Variants in MDFIC observed in about 807,000 individuals in gnomAD.
MDFIC encodes the protein myoD family inhibitor domain-containing protein.
In MDFIC, 17 loss-of-function variants were observed where a neutral mutation model predicts 23.2. The ratio of observed to expected loss-of-function variants is 0.73; its 90% CI spans 0.50 to 1.10. The LOEUF (loss-of-function observed/expected upper bound fraction) is 1.10. Among genes scored for constraint, MDFIC ranks in the 50% least tolerant of loss-of-function variants. MDFIC has a pLI of 0.00. For missense variants in MDFIC, 356 were observed against 316.6 expected (o/e 1.12, Z -0.95); for synonymous variants, 120 against 115.2 (o/e 1.04, Z -0.27).
At chr7:114,956,951 G>T (rs2709504) in intron 3 of MDFIC, among the ~76,000 whole-genome samples, 149,900 of 152,300 alleles carry the variant, frequency 0.98, 73,815 homozygotes, top group East Asian at 1. Context: ...TTTGGGATAG[G>T]GTGTGTTTTG....
chr7:114,932,515 G>T (rs1017623870), intron 2 of MDFIC, among the ~76,000 whole-genome samples: 3 of 152,218 alleles, frequency 2.0e-5, no homozygotes, highest in African/African-American at 7.2e-5. Flanking sequence ...TTTGGGAAAT[G>T]TTGAGTCTGA....
In MDFIC at chr7:115,012,935, C is replaced by T. The variant is rs369431538; in HGVS notation, c.494-2753C>T. On this transcript the variant is annotated intron_variant, in intron 4 of 4. Transcript: ENST00000393486. ...CGGAGGTTGCAATGAGCCAAGATCG[C>T]GCCACTGCACTCCAGCCTGGGTGAC... 2.7e-4 allele frequency among the ~76,000 whole-genome samples: 41 copies of T among 152,094 alleles called. 3 individuals carry two copies. The highest frequency in any genetic ancestry group is 1.2e-3 in the Admixed American group (19 of 15,280).
intron 2 of MDFIC, among the ~76,000 whole-genome samples, chr7:114,939,422 T>C (rs1792495031): frequency 6.6e-6 from 1 of 152,222 alleles, no homozygotes; most frequent in African/African-American, 2.4e-5. Flanking sequence ...TTATTTACTA[T>C]TCATTGAATA....
At chr7:114,953,115 T>C (rs1388683527) in intron 3 of MDFIC, among the ~76,000 whole-genome samples, 1 of 152,252 alleles carries the variant, frequency 6.6e-6, no homozygotes, top group African/African-American at 2.4e-5. Flanking sequence ...ATTAAACCCA[T>C]ATTCCTACAT....
At chr7:114,950,236 T>G (rs888887183) in intron 3 of MDFIC, among the ~76,000 whole-genome samples, 4 of 152,150 alleles carry the variant, frequency 2.6e-5, no homozygotes, top group African/African-American at 9.7e-5. Context: ...TGTCTTGGAC[T>G]GGGGTAATGA....
At chr7:115,007,759 G>T (rs889389339) in intron 4 of MDFIC, among the ~76,000 whole-genome samples, 1 of 148,810 alleles carries the variant, frequency 6.7e-6, no homozygotes, top group Non-Finnish European at 1.5e-5. Flanking sequence ...CTATAGCCTC[G>T]ACCTTCTGGG....
At chr7:114,986,762 C>T (rs1793522319) in intron 4 of MDFIC, among the ~76,000 whole-genome samples, 1 of 152,212 alleles carries the variant, frequency 6.6e-6, no homozygotes, top group Admixed American at 6.5e-5. Context: ...CCATTTTGGG[C>T]GAATTGCCCC....
At chr7:114,984,713 A>G (rs570667641) in intron 4 of MDFIC, among the ~76,000 whole-genome samples, 32 of 152,360 alleles carry the variant, frequency 2.1e-4, no homozygotes, top group African/African-American at 7.5e-4. Flanking sequence ...TTAGTATCAT[A>G]TAATGTTCAA....
intron 3 of MDFIC, among the ~76,000 whole-genome samples, chr7:114,976,938 C>T (rs1332696492): frequency 2.6e-5 from 4 of 151,918 alleles, no homozygotes; most frequent in Admixed American, 2.0e-4. Context: ...ATCAACCCCA[C>T]GTATAACTGT....
chr7:115,014,589 A>T (rs1791756001), intron 4 of MDFIC: 1 of 1,155,242 alleles, frequency 8.7e-7, no homozygotes, highest in East Asian at 6.6e-5. Context: ...GAATCTTCTT[A>T]TTAAAACTTA....
intron 4 of MDFIC, among the ~76,000 whole-genome samples, chr7:114,993,048 A>G (rs1415125569): frequency 6.6e-6 from 1 of 152,166 alleles, no homozygotes; most frequent in South Asian, 2.1e-4. Flanking sequence ...TGGTCTATTC[A>G]GGGATTCAAC....
rs1318801723 is a variant in MDFIC at position 114,994,397 on chromosome 7, A to G, written c.493+14616A>G. On this transcript the variant is annotated intron_variant, in intron 4 of 4. Transcript: ENST00000393486. ...GTGAATTTGATCCTGTCATTATGACATTAGCTGGTTATTTTGCTCCTTAGT... is the reference window on the plus strand; with the variant it reads ...GTGAATTTGATCCTGTCATTATGACGTTAGCTGGTTATTTTGCTCCTTAGT... 3.9e-5 allele frequency among the ~76,000 whole-genome samples: 6 copies of G among 152,088 alleles called. No homozygotes were observed. In the East Asian group the frequency reaches 7.7e-4, roughly 20 times the overall value.
intron 3 of MDFIC, among the ~76,000 whole-genome samples, chr7:114,946,892 G>A (rs1014655013): frequency 3.3e-5 from 5 of 152,026 alleles, no homozygotes; most frequent in Admixed American, 1.3e-4. Context: ...AACTTAATGC[G>A]GATCACCCCT....
At chr7:114,963,282 A>G (rs980803619) in intron 3 of MDFIC, among the ~76,000 whole-genome samples, 3 of 152,192 alleles carry the variant, frequency 2.0e-5, no homozygotes, top group Admixed American at 6.5e-5. Flanking sequence ...GTTAATGTTT[A>G]TAATTTGAAT....
chr7:114,980,641 C>T (rs1480016007), intron 4 of MDFIC, among the ~76,000 whole-genome samples: 1 of 152,142 alleles, frequency 6.6e-6, no homozygotes, highest in Non-Finnish European at 1.5e-5. Context: ...GGTTTTCCTC[C>T]TTTCCCCTTT....
At chr7:115,002,970 A>G (rs1238578947) in intron 4 of MDFIC, among the ~76,000 whole-genome samples, 1 of 152,164 alleles carries the variant, frequency 6.6e-6, no homozygotes, top group African/African-American at 2.4e-5. Flanking sequence ...ATGTCTTGGA[A>G]AGATAGCTAT....
At chr7:114,933,694 A>G (rs1017133410) in intron 2 of MDFIC, among the ~76,000 whole-genome samples, 2 of 152,234 alleles carry the variant, frequency 1.3e-5, no homozygotes, top group African/African-American at 2.4e-5. Flanking sequence ...TATTGCGTCT[A>G]TAAGAGTGAT....
intron 2 of MDFIC, among the ~76,000 whole-genome samples, chr7:114,940,489 C>T (rs1349099303): frequency 6.6e-6 from 1 of 152,216 alleles, no homozygotes; most frequent in Non-Finnish European, 1.5e-5. Context: ...TCTTACTTCT[C>T]TAACTCCTTC....
rs771052500 is a variant in MDFIC at position 115,018,887 on chromosome 7, T to C, written c.*2952T>C. The C allele has an allele frequency of 6.6e-6, 1 of 152,024 alleles. No individual in the cohort carries two copies. Among genetic ancestry groups the C allele is most frequent in the African/African-American group, 2.4e-5 (1 of 41,448 alleles). The allele number at this position is 152,024 out of a possible 1,614,324, so 9.4% of individuals were successfully genotyped here. On this transcript the variant is annotated 3_prime_UTR_variant, in exon 5 of 5. Coordinates refer to ENST00000393486, the MANE Select transcript of MDFIC (RefSeq NM_001166345.3). ...GTCTGAAGATTTCCTAGTCTTCTTA[T>C]GTAAATCACATGACTCATGTCCGTA...
Sources: allele counts gnomAD v4.1 joint callset (sites outside exome capture counted in the v4.1 genomes callset), GRCh38; gene constraint gnomAD v4.1.1; transcripts MANE v1.5; gene names NCBI Gene and HGNC (gene_info 2026-07-23, HGNC 2026-07-21).